Variants in KCNK12 observed in about 807,000 individuals in gnomAD.
KCNK12 encodes potassium channel subfamily K member 12.
A neutral mutation model predicts 25.3 loss-of-function variants in KCNK12; 6 were observed. That is an observed-to-expected ratio of 0.24 (90% CI 0.13 to 0.47). KCNK12 has a LOEUF of 0.47. KCNK12 is among the 20% of genes least tolerant of loss of function. The pLI is 0.99. For synonymous variants in KCNK12, 331 were observed against 311.1 expected (o/e 1.06, Z -0.67); for missense variants, 444 against 661.7 (o/e 0.67, Z 3.61).
rs1199355797 is a variant in KCNK12, at chr2:47,538,726, G to A, written c.392-16918C>T. Among the ~76,000 whole-genome samples the A allele has an allele frequency of 1.3e-5, 2 of 152,162 alleles. No homozygotes were observed. The highest frequency in any genetic ancestry group is 2.9e-5 in the Non-Finnish European group (2 of 68,012). ...GCAGAGGCTGCAGTGAGCCTAGACT[G>A]CACCACTGCACTCTAGCCTGGGTGA... On this transcript the variant is annotated intron_variant, in intron 1 of 1. Transcript: ENST00000327876. The surrounding 1 kb of genome is among the most constrained non-coding windows in gnomAD (Gnocchi z 4.5).
intron 1 of KCNK12, among the ~76,000 whole-genome samples, chr2:47,541,803 C>A (rs1669206405): frequency 6.6e-6 from 1 of 152,156 alleles, no homozygotes; most frequent in Non-Finnish European, 1.5e-5. Flanking sequence ...ACCAACCCTG[C>A]CAGCCCCTTG....
chr2:47,527,616 A>G (rs1668815392), intron 1 of KCNK12: 1 of 152,138 alleles, frequency 6.6e-6, no homozygotes, highest in Admixed American at 6.5e-5. Flanking sequence ...GACTCCTCCA[A>G]ACTCTTCCAT....
rs1048261666 is a variant in KCNK12, at chr2:47,569,592, G to A, written c.391+349C>T. Among the ~76,000 whole-genome samples the A allele has an allele frequency of 2.6e-5, 4 of 152,176 alleles. No homozygotes were observed. The highest frequency in any genetic ancestry group is 9.6e-5 in the African/African-American group (4 of 41,452). Reference sequence around the variant, plus strand: ...GAGATCATCCTGGAGAGGAAACTGAGGCCTGGGGGTTGTGGGTGGAAAACA... The same window carrying A: ...GAGATCATCCTGGAGAGGAAACTGAAGCCTGGGGGTTGTGGGTGGAAAACA... On this transcript the variant is annotated intron_variant, in intron 1 of 1. Coordinates refer to ENST00000327876, the MANE Select transcript of KCNK12 (RefSeq NM_022055.2). This position sits in a 1 kb window ranked among gnomAD's most constrained non-coding sequence, Gnocchi z 4.1.
At chr2:47,522,990 A>G (rs535215946) in intron 1 of KCNK12, among the ~76,000 whole-genome samples, 1 of 152,316 alleles carries the variant, frequency 6.6e-6, no homozygotes, top group East Asian at 1.9e-4. Flanking sequence ...AAGGACCCCA[A>G]AATTAAGTGT....
At position 47,512,199 on chromosome 2, in the gene KCNK12, G is replaced by C. The variant is rs940349249; in HGVS notation, c.*8708C>G. 2.1e-5 allele frequency: 29 copies of C among 1,380,764 alleles called. No individual in the cohort carries two copies. Among genetic ancestry groups the C allele is most frequent in the Admixed American group, 9.1e-5 (4 of 44,068 alleles). 85.5% of individuals were successfully genotyped at this position (1,380,764 alleles called of 1,614,324 possible). ...TGGAGAAAAAAGAATTGAACAAACT[G>C]TCTAAGCTGGGTCAGGTACTCTGCA... On this transcript the variant is annotated 3_prime_UTR_variant, in exon 2 of 2. Coordinates refer to ENST00000327876, the MANE Select transcript of KCNK12 (RefSeq NM_022055.2).
At position 47,520,899 on chromosome 2, in the gene KCNK12, C is replaced by T; in HGVS notation, c.*8G>A. On this transcript the variant is annotated 3_prime_UTR_variant, in exon 2 of 2. Transcript: ENST00000327876. The surrounding 1 kb of genome is among the most constrained non-coding windows in gnomAD (Gnocchi z 5.0). ...GGAGAGGGTCCCCGGCGCGGGCGGA[C>T]GGGCGGTCTACCTGGAGGCGCTGGT... The T allele has an allele frequency of 1.6e-6, 2 of 1,241,854 alleles. No homozygotes were observed. Among genetic ancestry groups the T allele is most frequent in the Non-Finnish European group, 2.0e-6 (2 of 992,664 alleles). The allele number at this position is 1,241,854 out of a possible 1,614,324, so 76.9% of individuals were successfully genotyped here. A position where few individuals can be genotyped will look rare whatever the true frequency, so the allele number is the denominator to read the frequency against.
chr2:47,544,648 A>G (rs1381040786), intron 1 of KCNK12, among the ~76,000 whole-genome samples: 1 of 152,216 alleles, frequency 6.6e-6, no homozygotes, highest in Non-Finnish European at 1.5e-5. Context: ...GCCCCCTGGC[A>G]GCTTACATAC....
At chr2:47,542,694 C>T (rs1356649683) in intron 1 of KCNK12, among the ~76,000 whole-genome samples, 5 of 152,130 alleles carry the variant, frequency 3.3e-5, no homozygotes, top group Non-Finnish European at 4.4e-5. Flanking sequence ...CCCTTAAGGT[C>T]CTCAGCAGGG....
At chr2:47,523,728 A>G (rs1558547484) in intron 1 of KCNK12, among the ~76,000 whole-genome samples, 1 of 152,060 alleles carries the variant, frequency 6.6e-6, no homozygotes, top group Non-Finnish European at 1.5e-5. Context: ...GGAAAGATTC[A>G]CTTACTGCTT....
chr2:47,568,303 A>C (rs1379980929), intron 1 of KCNK12, among the ~76,000 whole-genome samples: 2 of 147,368 alleles, frequency 1.4e-5, no homozygotes, highest in Non-Finnish European at 2.9e-5. Flanking sequence ...CTTTTAAAGC[A>C]CTTAAAAAAA....
rs149753087 is a variant in KCNK12 at position 47,521,801 on chromosome 2, G to A, written c.399C>T (p.Gly133=). 6.6e-7 allele frequency: 1 copy of A among 1,518,236 alleles called. No individual in the cohort carries two copies. The highest frequency in any genetic ancestry group is 1.4e-5 in the African/African-American group (1 of 71,184). The allele number at this position is 1,518,236 out of a possible 1,614,324, so 94.0% of individuals were successfully genotyped here. ...CGCCCACCGTCGCGGGGGTGGTCAT[G>A]CCGAAACCTGTGGAGACAGGGCAGG... ...VGTVVSTIGF[G]MTTPATVGGK... The change falls in exon 2 of 2, where the codon GGC becomes GGT. Residue 133 remains glycine (G), a synonymous_variant. Coordinates refer to ENST00000327876, the MANE Select transcript of KCNK12 (RefSeq NM_022055.2).
At chr2:47,532,443 C>T (rs1668954345) in intron 1 of KCNK12, among the ~76,000 whole-genome samples, 1 of 152,136 alleles carries the variant, frequency 6.6e-6, no homozygotes, top group Non-Finnish European at 1.5e-5. Flanking sequence ...TTCACTGCAA[C>T]CTCTGCCCCC....
At position 47,570,297 on chromosome 2, in the gene KCNK12, C is replaced by T. The variant is rs756151354; in HGVS notation, c.35G>A (p.Arg12His). 7 of 1,364,498 alleles carry T rather than the reference C, an allele frequency of 5.1e-6. No homozygotes were observed. Among genetic ancestry groups the T allele is most frequent in the Non-Finnish European group, 6.6e-6 (7 of 1,060,702 alleles). The allele number at this position is 1,364,498 out of a possible 1,614,324, so 84.5% of individuals were successfully genotyped here. A position where few individuals can be genotyped will look rare whatever the true frequency, so the allele number is the denominator to read the frequency against. ...SSRSPRPPPR[R>H]SRRRLPRPSC... is the part of the protein sequence containing the mutation. ...GGGGCGCGGCAGGCGGCGGCGGCTACGGCGGGGCGGGGGCCGGGGGCTGCG... is the reference window on the plus strand; with the variant it reads ...GGGGCGCGGCAGGCGGCGGCGGCTATGGCGGGGCGGGGGCCGGGGGCTGCG... Residue 12 changes from arginine (R) to histidine (H), a missense_variant, in exon 1 of 2, where the codon CGT (arginine) becomes CAT (histidine). Arg to His is a conservative substitution (Grantham distance 29, BLOSUM62 0). This residue lies in a region of KCNK12 where 67 missense variants were observed against 59.2 expected (regional missense o/e 1.13). Coordinates refer to ENST00000327876, the MANE Select transcript of KCNK12 (RefSeq NM_022055.2).
intron 1 of KCNK12, among the ~76,000 whole-genome samples, chr2:47,523,075 C>G (rs1003822740): frequency 6.6e-6 from 1 of 152,206 alleles, no homozygotes; most frequent in Admixed American, 6.5e-5. Context: ...CCGAGCCGAA[C>G]AACTGTTGAC....
In KCNK12 at chr2:47,520,120, T is replaced by C. The variant is rs1668617562; in HGVS notation, c.*787A>G. The C allele has an allele frequency of 1.3e-5, 2 of 152,196 alleles. No individual in the cohort carries two copies. Among genetic ancestry groups the C allele is most frequent in the African/African-American group, 4.8e-5 (2 of 41,448 alleles). The allele number at this position is 152,196 out of a possible 1,614,324, so 9.4% of individuals were successfully genotyped here. On this transcript the variant is annotated 3_prime_UTR_variant, in exon 2 of 2. Transcript: ENST00000327876. This position sits in a 1 kb window ranked among gnomAD's most constrained non-coding sequence, Gnocchi z 5.0. ...GGTTGGGGGATTCAAGATCTGCCGA[T>C]CCGAGCCTGGAGATCAGCCAGCTAA...
In KCNK12 at chr2:47,525,294, G is replaced by A. The variant is rs1270937460; in HGVS notation, c.392-3486C>T. On this transcript the variant is annotated intron_variant, in intron 1 of 1. Coordinates refer to ENST00000327876, the MANE Select transcript of KCNK12 (RefSeq NM_022055.2). This position sits in a 1 kb window ranked among gnomAD's most constrained non-coding sequence, Gnocchi z 4.1. ...TTGTTGTGGCAGTGGAGAGTGCTGT[G>A]GATTCTTTCACTCACCCCCAGGCCA... Among the ~76,000 whole-genome samples, 1 of 152,196 alleles carries A rather than the reference G, an allele frequency of 6.6e-6. No homozygotes were observed. Among genetic ancestry groups the A allele is most frequent in the Admixed American group, 6.5e-5 (1 of 15,284 alleles).
Position 47,560,510 on chromosome 2 carries a change from T to C in KCNK12, c.391+9431A>G, listed in dbSNP as rs1669641587. Among the ~76,000 whole-genome samples, 1 of 152,174 alleles carries C rather than the reference T, an allele frequency of 6.6e-6. No individual in the cohort carries two copies. On this transcript the variant is annotated intron_variant, in intron 1 of 1. Coordinates refer to ENST00000327876, the MANE Select transcript of KCNK12 (RefSeq NM_022055.2). The surrounding 1 kb of genome is among the most constrained non-coding windows in gnomAD (Gnocchi z 4.7). ...CAGACCCCAGGCTGGGCTATGGTTC[T>C]TCCCCCTCTGTGGAACTGCACAATT...
At position 47,509,519 on chromosome 2, in the gene KCNK12, G is replaced by A. The variant is rs114131185; in HGVS notation, c.*11388C>T. ...GCTGGCTGGAGGTGGCCTGCTGTGT[G>A]CAGATGGTACCTGGTGCAGGATTGT... On this transcript the variant is annotated 3_prime_UTR_variant, in exon 2 of 2. Coordinates refer to ENST00000327876, the MANE Select transcript of KCNK12 (RefSeq NM_022055.2). Among the ~76,000 whole-genome samples the A allele has an allele frequency of 8.4e-3, 1,275 of 152,332 alleles. 16 individuals carry two copies. Among genetic ancestry groups the A allele is most frequent in the African/African-American group, 0.028 (1,145 of 41,572 alleles).
In KCNK12 at chr2:47,570,282, A is replaced by AGGCGGC; in HGVS notation, c.44_49dup (p.Arg15_Arg16dup). The AGGCGGC allele has an allele frequency of 7.2e-7, 1 of 1,393,028 alleles. No homozygotes were observed. The highest frequency in any genetic ancestry group is 9.3e-7 in the Non-Finnish European group (1 of 1,075,158). 86.3% of individuals were successfully genotyped at this position (1,393,028 alleles called of 1,614,324 possible). ...GCAGCAGCAGCAGGAGGGGCGCGGC[A>AGGCGGC]GGCGGCGGCGGCTACGGCGGGGCGG... On this transcript the variant is annotated inframe_insertion, in exon 1 of 2. Coordinates refer to ENST00000327876, the MANE Select transcript of KCNK12 (RefSeq NM_022055.2).
Sources: allele counts gnomAD v4.1 joint callset (sites outside exome capture counted in the v4.1 genomes callset), GRCh38; gene constraint gnomAD v4.1.1; regional missense constraint gnomAD v4.1.1; non-coding constraint Gnocchi (gnomAD v3.1); transcripts MANE v1.5; gene names NCBI Gene and HGNC (gene_info 2026-07-23, HGNC 2026-07-21).